Variants in ROBO1 observed in about 807,000 individuals in gnomAD.
ROBO1 encodes roundabout guidance receptor 1.
In ROBO1, 149 loss-of-function variants were observed where a neutral mutation model predicts 195.9. The ratio of observed to expected loss-of-function variants is 0.76; its 90% CI spans 0.67 to 0.87. The LOEUF (loss-of-function observed/expected upper bound fraction) is 0.87, where lower values mean the gene tolerates loss of function less well. ROBO1 is among the 40% of genes least tolerant of loss of function. ROBO1 has a pLI of 0.00. For synonymous variants in ROBO1, 816 were observed against 733.2 expected (o/e 1.11, Z -1.82); for missense variants, 1,933 against 2,068.3 (o/e 0.93, Z 1.27).
chr3:78,692,460 G>C (rs574727364), intron 8 of ROBO1, among the ~76,000 whole-genome samples: 1 of 151,960 alleles, frequency 6.6e-6, no homozygotes, highest in South Asian at 2.1e-4. Flanking sequence ...TGGTAGAGAT[G>C]GGGGTTTGCC....
intron 1 of ROBO1, among the ~76,000 whole-genome samples, chr3:79,665,124 G>A (rs1427800937): frequency 6.6e-6 from 1 of 151,684 alleles, no homozygotes; most frequent in East Asian, 1.9e-4. Context: ...TTTGCATATG[G>A]TTTAAAGTAT....
In ROBO1 at chr3:78,598,749, A is replaced by C. The variant is rs1210220740; in HGVS notation, c.*164T>G. 6 of 468,330 alleles carry C rather than the reference A, an allele frequency of 1.3e-5. No homozygotes were observed. The highest frequency in any genetic ancestry group is 2.3e-5 in the Non-Finnish European group (6 of 260,594). 29.0% of individuals were successfully genotyped at this position (468,330 alleles called of 1,614,324 possible). A position where few individuals can be genotyped will look rare whatever the true frequency, so the allele number is the denominator to read the frequency against. On this transcript the variant is annotated 3_prime_UTR_variant, in exon 31 of 31. Coordinates refer to ENST00000464233, the MANE Select transcript of ROBO1 (RefSeq NM_002941.4). Reference sequence around the variant, plus strand: ...TTAGGGATCAAACAACAACAATAAAAACCCAATAAAGTTTTTAAAATGATA... The same window carrying C: ...TTAGGGATCAAACAACAACAATAAACACCCAATAAAGTTTTTAAAATGATA...
intron 1 of ROBO1, among the ~76,000 whole-genome samples, chr3:79,745,968 C>A (rs559411568): frequency 8.2e-4 from 124 of 152,088 alleles, no homozygotes; most frequent in African/African-American, 2.8e-3. Context: ...TTTATGTTTG[C>A]TTTCATGTTA....
intron 4 of ROBO1, among the ~76,000 whole-genome samples, chr3:78,853,912 A>G (rs1181877842): frequency 2.0e-5 from 3 of 152,108 alleles, no homozygotes; most frequent in Non-Finnish European, 4.4e-5. Flanking sequence ...CTTATTCACT[A>G]CCAGGTCAAC....
intron 3 of ROBO1, among the ~76,000 whole-genome samples, chr3:79,080,148 C>A (rs1017185409): frequency 6.6e-6 from 1 of 151,500 alleles, no homozygotes; most frequent in Non-Finnish European, 1.5e-5. Context: ...ATTGCTAATT[C>A]TTGATATGCA....
intron 21 of ROBO1, among the ~76,000 whole-genome samples, chr3:78,641,467 C>T (rs570954123): frequency 5.5e-4 from 84 of 152,186 alleles, no homozygotes; most frequent in African/African-American, 1.8e-3. Flanking sequence ...GTTGATAAAT[C>T]GTGATTTGAA....
intron 3 of ROBO1, among the ~76,000 whole-genome samples, chr3:78,954,912 C>CT (rs1365044653): frequency 6.8e-6 from 1 of 146,220 alleles, no homozygotes; most frequent in Non-Finnish European, 1.5e-5. Flanking sequence ...GAGAGAATTT[C>CT]TTTTTTCTGA....
At chr3:79,758,365 C>T (rs994788029) in intron 1 of ROBO1, among the ~76,000 whole-genome samples, 6 of 152,098 alleles carry the variant, frequency 3.9e-5, no homozygotes, top group Admixed American at 2.6e-4. Context: ...TTTTCAGTGT[C>T]AATAGGCACA....
At chr3:78,838,554 G>A (rs2032930984) in intron 4 of ROBO1, among the ~76,000 whole-genome samples, 1 of 152,174 alleles carries the variant, frequency 6.6e-6, no homozygotes, top group Non-Finnish European at 1.5e-5. Context: ...AGTGTCATGT[G>A]CAAGAGATCA....
At chr3:78,784,726 G>A (rs1406930196) in intron 4 of ROBO1, among the ~76,000 whole-genome samples, 1 of 152,026 alleles carries the variant, frequency 6.6e-6, no homozygotes, top group African/African-American at 2.4e-5. Context: ...ATTTTGCATA[G>A]GTCAACATTG....
chr3:79,070,356 C>A (rs1303933591), intron 3 of ROBO1, among the ~76,000 whole-genome samples: 1 of 151,850 alleles, frequency 6.6e-6, no homozygotes. Context: ...TAAGTAAGGA[C>A]CATCTTTTAT....
chr3:79,406,542 A>G (rs986346873), intron 2 of ROBO1, among the ~76,000 whole-genome samples: 3 of 151,968 alleles, frequency 2.0e-5, no homozygotes, highest in Admixed American at 6.6e-5. Flanking sequence ...TGTCAAGCCT[A>G]TAGGGAAGAG....
intron 2 of ROBO1, among the ~76,000 whole-genome samples, chr3:79,330,909 A>T (rs567245506): frequency 4.6e-5 from 7 of 152,212 alleles, no homozygotes; most frequent in African/African-American, 1.7e-4. Flanking sequence ...ATTGGATTAT[A>T]TGAGCCCTCT....
At chr3:79,743,310 T>C (rs1006771397) in intron 1 of ROBO1, among the ~76,000 whole-genome samples, 3 of 152,192 alleles carry the variant, frequency 2.0e-5, no homozygotes, top group Admixed American at 6.5e-5. Flanking sequence ...TACACAATGG[T>C]ATTTGTGTAT....
At chr3:78,799,682 C>T (rs1032884705) in intron 4 of ROBO1, among the ~76,000 whole-genome samples, 4 of 152,034 alleles carry the variant, frequency 2.6e-5, no homozygotes, top group African/African-American at 7.2e-5. Context: ...TTTTTTCTGC[C>T]TCTATCTGGG....
intron 3 of ROBO1, among the ~76,000 whole-genome samples, chr3:78,940,093 G>C (rs1354109979): frequency 6.6e-6 from 1 of 152,084 alleles, no homozygotes; most frequent in East Asian, 1.9e-4. Context: ...AACAGCCAAA[G>C]GCCTTACTGA....
intron 2 of ROBO1, chr3:79,526,602 G>A (rs1215021516): frequency 6.6e-6 from 1 of 152,136 alleles, no homozygotes; most frequent in East Asian, 1.9e-4. Flanking sequence ...AGTTCAGAGA[G>A]AATGGCTTAT....
chr3:79,705,046 T>C (rs748316888), intron 1 of ROBO1, among the ~76,000 whole-genome samples: 1 of 152,048 alleles, frequency 6.6e-6, no homozygotes, highest in Non-Finnish European at 1.5e-5. Context: ...GCTTTTCTTC[T>C]TGAGTTTTAC....
chr3:79,023,145 C>T (rs1040525336), intron 3 of ROBO1, among the ~76,000 whole-genome samples: 2 of 43,902 alleles, frequency 4.6e-5, no homozygotes, highest in Non-Finnish European at 8.6e-5. Flanking sequence ...TCCAGCAAAA[C>T]TGATGAGAAG....
Sources: gnomAD v4.1 joint callset for allele counts (sites outside exome capture counted in the v4.1 genomes callset) on GRCh38, gnomAD v4.1.1 for gene constraint, MANE v1.5 for transcripts, NCBI Gene and HGNC (gene_info 2026-07-23, HGNC 2026-07-21) for gene names.